Variants in ASPA observed in about 807,000 individuals in gnomAD.
ASPA encodes ACY-2.
Under a neutral mutation model 29.6 loss-of-function variants are expected in ASPA, and 25 were observed. That is an observed-to-expected ratio of 0.85 (90% CI 0.62 to 1.18). The LOEUF is 1.18. Among genes scored for constraint, ASPA ranks in the 50% most tolerant of loss-of-function variants. The pLI is 0.00. For missense variants in ASPA, 333 were observed against 385.7 expected, an observed-to-expected ratio of 0.86 and a Z score of 1.14; for synonymous variants, 131 against 130.3, an observed-to-expected ratio of 1.01 and a Z score of -0.04.
rs1292448450 is a variant in ASPA at position 3,488,188 on chromosome 17, G to A, written c.527-1047G>A. ...CCAAATAGAGAAGGTGATGACTGGG[G>A]AGATGACTTTGTGGGAGACTTGAAC... On this transcript the variant is annotated intron_variant, in intron 3 of 5. Coordinates refer to ENST00000263080, the MANE Select transcript of ASPA (RefSeq NM_000049.4). The surrounding 1 kb of genome is among the most constrained non-coding windows in gnomAD (Gnocchi z 6.1). Among the ~76,000 whole-genome samples, 1 of 152,142 alleles carries A rather than the reference G, an allele frequency of 6.6e-6. No homozygotes were observed. Among genetic ancestry groups the A allele is most frequent in the East Asian group, 1.9e-4 (1 of 5,196 alleles).
intron 4 of ASPA, among the ~76,000 whole-genome samples, chr17:3,491,427 T>C (rs758187528): frequency 6.6e-6 from 1 of 152,098 alleles, no homozygotes; most frequent in Admixed American, 6.5e-5. Context: ...GCATTGAGAA[T>C]GTTGAAGAGC....
chr17:3,498,853 C>A (rs1417625641), intron 5 of ASPA, 38 bp from the exon 6 acceptor site: 2 of 1,451,834 alleles, frequency 1.4e-6, no homozygotes, highest in East Asian at 2.5e-5. Context: ...AGGAGAAAAA[C>A]CAAATATAAT....
rs2150766151 is a variant in ASPA, at chr17:3,501,021, G to A, written c.*1933G>A. ...ACCATGTTACCCAAGAGCTCTGCTG[G>A]AGATGTGCGAAGAGATTAGCATTGT... is the stretch of plus-strand genomic sequence containing the variant. On this transcript the variant is annotated 3_prime_UTR_variant, in exon 6 of 6. Coordinates refer to ENST00000263080, the MANE Select transcript of ASPA (RefSeq NM_000049.4). The A allele has an allele frequency of 6.6e-6, 1 of 152,252 alleles. No homozygotes were observed. Among genetic ancestry groups the A allele is most frequent in the African/African-American group, 2.4e-5 (1 of 41,540 alleles). The allele number at this position is 152,252 out of a possible 1,614,324, so 9.4% of individuals were successfully genotyped here. A position where few individuals can be genotyped will look rare whatever the true frequency, so the allele number is the denominator to read the frequency against.
intron 1 of ASPA, among the ~76,000 whole-genome samples, chr17:3,479,157 G>A (rs1434378473): frequency 6.6e-6 from 1 of 152,104 alleles, no homozygotes; most frequent in Non-Finnish European, 1.5e-5. Context: ...ACTTAGTATG[G>A]CTAATGCCCT....
In ASPA at chr17:3,502,938, C is replaced by T. The variant is rs1162997579; in HGVS notation, c.*3850C>T. 1 of 152,188 alleles carries T rather than the reference C, an allele frequency of 6.6e-6. No individual in the cohort carries two copies. Among genetic ancestry groups the T allele is most frequent in the African/African-American group, 2.4e-5 (1 of 41,432 alleles). 9.4% of individuals were successfully genotyped at this position (152,188 alleles called of 1,614,324 possible). ...CACTGGACACACATAGAAATGTGAC[C>T]CACAGCTATGGTTTGCAAATACAGT... On this transcript the variant is annotated 3_prime_UTR_variant, in exon 6 of 6. Coordinates refer to ENST00000263080, the MANE Select transcript of ASPA (RefSeq NM_000049.4).
intron 3 of ASPA, among the ~76,000 whole-genome samples, chr17:3,484,447 T>A (rs1186959241): frequency 1.3e-5 from 2 of 152,150 alleles, no homozygotes; most frequent in Non-Finnish European, 2.9e-5. Flanking sequence ...AGGAAAGACC[T>A]AACCCAGTCT....
intron 2 of ASPA, among the ~76,000 whole-genome samples, chr17:3,482,722 CA>C (rs1440924198): frequency 2.0e-5 from 3 of 151,828 alleles, no homozygotes; most frequent in African/African-American, 7.3e-5. Context: ...CAGTTTTGGA[CA>C]GTAACTGGGT....
At chr17:3,486,807 A>C (rs756365591) in intron 3 of ASPA, among the ~76,000 whole-genome samples, 2 of 152,234 alleles carry the variant, frequency 1.3e-5, no homozygotes, top group Non-Finnish European at 2.9e-5. Flanking sequence ...GCATAATAAA[A>C]GGATCTTTAT....
At chr17:3,481,834 G>T in intron 2 of ASPA, 36 bp downstream of exon 2, 1 of 1,522,340 alleles carries the variant, frequency 6.6e-7, no homozygotes, top group East Asian at 2.4e-5. Flanking sequence ...AGTTAGCAAA[G>T]GACTTGTACT....
At chr17:3,483,089 C>T (rs2073661957) in intron 2 of ASPA, among the ~76,000 whole-genome samples, 1 of 151,984 alleles carries the variant, frequency 6.6e-6, no homozygotes, top group South Asian at 2.1e-4. Context: ...GAGGGGGAAT[C>T]ACCCAACATC....
Position 3,476,272 on chromosome 17 carries a change from G to A in ASPA, c.113G>A (p.Gly38Asp), listed in dbSNP as rs1456006856. The stretch of plus-strand genomic sequence containing the variant: ...CTGGTTAAGCATTGGCTAGAGAATG[G>A]CGCTGAGATTCAGAGAACAGGGCTG... ...VFLVKHWLENGAEIQRTGLEV... is the reference protein window; with the variant it reads ...VFLVKHWLENDAEIQRTGLEV... The change falls in exon 1 of 6, where the codon GGC (glycine) becomes GAC (aspartate). Residue 38 changes from glycine to aspartate, a missense_variant. Gly to Asp is a moderately conservative substitution (Grantham distance 94, BLOSUM62 -1). Transcript: ENST00000263080. 3 of 1,614,040 alleles carry A rather than the reference G, an allele frequency of 1.9e-6. No homozygotes were observed. The highest frequency in any genetic ancestry group is 1.3e-5 in the African/African-American group (1 of 74,928).
intron 3 of ASPA, among the ~76,000 whole-genome samples, chr17:3,487,096 G>C (rs1597436787): frequency 6.9e-6 from 1 of 144,466 alleles, no homozygotes; most frequent in African/African-American, 2.5e-5. Flanking sequence ...GATCATAAGA[G>C]TGGCTGCAGC....
intron 1 of ASPA, 36 bp downstream of exon 1, chr17:3,476,431 T>C (rs1461597504): frequency 1.4e-5 from 22 of 1,592,156 alleles, no homozygotes; most frequent in Non-Finnish European, 1.9e-5. Context: ...TGTATGTATG[T>C]TGTGTGAAAA....
rs1449293432 is a variant in ASPA, at chr17:3,490,463, G to T, written c.634+1121G>T. ...AGACTGAGTTGAAATTGTTGTTGAG[G>T]AATGGGCAATTATAATAACAGAGGG... On this transcript the variant is annotated intron_variant, in intron 4 of 5. Transcript: ENST00000263080. This position sits in a 1 kb window ranked among gnomAD's most constrained non-coding sequence, Gnocchi z 4.6. 1.3e-5 allele frequency among the ~76,000 whole-genome samples: 2 copies of T among 152,156 alleles called. No individual in the cohort carries two copies. Among genetic ancestry groups the T allele is most frequent in the Non-Finnish European group, 2.9e-5 (2 of 68,030 alleles).
intron 5 of ASPA, among the ~76,000 whole-genome samples, chr17:3,496,549 C>G (rs1040209817): frequency 3.3e-5 from 5 of 152,088 alleles, no homozygotes; most frequent in African/African-American, 7.2e-5. Context: ...GACCCATATC[C>G]CTGGAGAGGA....
rs557594000 is a variant in ASPA, at chr17:3,499,105, A to C, written c.*17A>C. ...TTACATTAGAAATCACTTCCAGCTT[A>C]CATCTTACACGGTGTCTTACAAATT... On this transcript the variant is annotated 3_prime_UTR_variant, in exon 6 of 6. Coordinates refer to ENST00000263080, the MANE Select transcript of ASPA (RefSeq NM_000049.4). 15 of 1,609,982 alleles carry C rather than the reference A, an allele frequency of 9.3e-6. No homozygotes were observed. The highest frequency in any genetic ancestry group is 1.7e-5 in the Admixed American group (1 of 59,622).
rs2074008237 is a variant in ASPA at position 3,502,968 on chromosome 17, CAAG to C, written c.*3884_*3886del. On this transcript the variant is annotated 3_prime_UTR_variant, in exon 6 of 6. Coordinates refer to ENST00000263080, the MANE Select transcript of ASPA (RefSeq NM_000049.4). ...GCTATGGTTTGCAAATACAGTCTTT[CAAG>C]AAGTCCTGCCATGTCCTAAATGCCC... is the stretch of plus-strand genomic sequence containing the variant. The C allele has an allele frequency of 6.6e-6, 1 of 152,196 alleles. No homozygotes were observed. The highest frequency in any genetic ancestry group is 1.5e-5 in the Non-Finnish European group (1 of 68,044). The allele number at this position is 152,196 out of a possible 1,614,324, so 9.4% of individuals were successfully genotyped here. A position where few individuals can be genotyped will look rare whatever the true frequency, so the allele number is the denominator to read the frequency against.
intron 5 of ASPA, 83 bp downstream of exon 5, chr17:3,494,542 G>C: frequency 8.8e-7 from 1 of 1,136,390 alleles, no homozygotes; most frequent in Non-Finnish European, 1.3e-6. Flanking sequence ...ACAGCACTTC[G>C]CGTACATTCG....
rs574497287 is a variant in ASPA at position 3,498,347 on chromosome 17, CTT to C, written c.745-539_745-538del. ...GGTAAACCTGGTATTGAAGCAAACTCTTTTTTATTTTTTTTTAGAGACAGGGT... is the reference window on the plus strand; with the variant it reads ...GGTAAACCTGGTATTGAAGCAAACTCTTTTATTTTTTTTTAGAGACAGGGT... On this transcript the variant is annotated intron_variant, in intron 5 of 5. Coordinates refer to ENST00000263080, the MANE Select transcript of ASPA (RefSeq NM_000049.4). Among the ~76,000 whole-genome samples, 9 of 152,078 alleles carry C rather than the reference CTT, an allele frequency of 5.9e-5. No individual in the cohort carries two copies. The East Asian group carries it at 1.7e-3, about 29-fold the overall frequency.
Sources: gnomAD v4.1 joint callset for allele counts (sites outside exome capture counted in the v4.1 genomes callset) on GRCh38, gnomAD v4.1.1 for gene constraint, Gnocchi (gnomAD v3.1) non-coding constraint, MANE v1.5 for transcripts, NCBI Gene and HGNC (gene_info 2026-07-23, HGNC 2026-07-21) for gene names.